Variants in GRAMD1B observed in about 807,000 individuals in gnomAD.
The protein encoded by GRAMD1B is protein Aster-B.
Under a neutral mutation model 99.7 loss-of-function variants are expected in GRAMD1B, and 37 were observed. The observed-to-expected ratio is 0.37, with a 90% CI of 0.29 to 0.49. The LOEUF (loss-of-function observed/expected upper bound fraction) is 0.49, where lower values mean the gene tolerates loss of function less well. GRAMD1B is among the 20% of genes least tolerant of loss of function. The pLI is 0.98. For missense variants in GRAMD1B, 888 were observed against 1,009.2 expected (o/e 0.88, Z 1.63); for synonymous variants, 427 against 387.6 (o/e 1.10, Z -1.19).
intron 1 of GRAMD1B, among the ~76,000 whole-genome samples, chr11:123,382,097 T>C (rs545321124): frequency 1.3e-5 from 2 of 152,212 alleles, no homozygotes; most frequent in East Asian, 3.9e-4. Context: ...ATGATATCAG[T>C]AGAAAAGCTA....
At chr11:123,427,110 G>A (rs1019069540), upstream of GRAMD1B, among the ~76,000 whole-genome samples, 6 of 152,202 alleles carry the variant, frequency 3.9e-5, no homozygotes, top group African/African-American at 1.4e-4. Flanking sequence ...CGGTCGCTGA[G>A]AGCCAAATAT....
In GRAMD1B at chr11:123,469,769, CTCTT is replaced by C. The variant is rs749366230; in HGVS notation, c.375-11040_375-11037del. On this transcript the variant is annotated intron_variant, in intron 1 of 19. Transcript: ENST00000635736. ...TCTTTCTTTCTTTCCTTCTTTCTTT[CTCTT>C]TCTTTCCTTCCTTCCTTCCTTCCTT... 2.9e-3 allele frequency among the ~76,000 whole-genome samples: 263 copies of C among 90,220 alleles called. 5 individuals carry two copies. Among genetic ancestry groups the C allele is most frequent in the African/African-American group, 6.5e-3 (196 of 29,954 alleles). The allele number at this position is 90,220 out of a possible 152,430, so 59.2% of individuals were successfully genotyped here.
intron 2 of GRAMD1B, among the ~76,000 whole-genome samples, chr11:123,548,325 T>TATATATATAC (rs1555067740): frequency 1.2e-4 from 10 of 86,898 alleles, no homozygotes; most frequent in African/African-American, 2.6e-4. Flanking sequence ...TATATATATA[T>TATATATATAC]ACACACACAC....
intron 1 of GRAMD1B, among the ~76,000 whole-genome samples, chr11:123,436,763 T>C (rs1949178568): frequency 6.6e-6 from 1 of 152,194 alleles, no homozygotes; most frequent in Non-Finnish European, 1.5e-5. Flanking sequence ...ACAATTTTTT[T>C]TTATTATACT....
At chr11:123,476,857 A>G (rs1410589395) in intron 1 of GRAMD1B, among the ~76,000 whole-genome samples, 1 of 152,152 alleles carries the variant, frequency 6.6e-6, no homozygotes, top group African/African-American at 2.4e-5. Flanking sequence ...TTAAGACAGA[A>G]TTGTCTTACT....
At chr11:123,417,712 G>T (rs911078253) in intron 1 of GRAMD1B, among the ~76,000 whole-genome samples, 1 of 152,172 alleles carries the variant, frequency 6.6e-6, no homozygotes, top group African/African-American at 2.4e-5. Context: ...CAAGAGGGGC[G>T]GGTCACTTGA....
At chr11:123,501,816 T>C (rs1939894794) in intron 2 of GRAMD1B, among the ~76,000 whole-genome samples, 1 of 152,234 alleles carries the variant, frequency 6.6e-6, no homozygotes, top group Non-Finnish European at 1.5e-5. Context: ...TTACTGATTT[T>C]GAGAAGTGCC....
intron 1 of GRAMD1B, among the ~76,000 whole-genome samples, chr11:123,393,154 A>G (rs1947338721): frequency 6.6e-6 from 1 of 152,186 alleles, no homozygotes; most frequent in Admixed American, 6.5e-5. Flanking sequence ...AGGCCTGGGT[A>G]TTTTACAGAT....
chr11:123,390,348 C>T (rs1052631320), intron 1 of GRAMD1B, among the ~76,000 whole-genome samples: 3 of 152,192 alleles, frequency 2.0e-5, no homozygotes, highest in Non-Finnish European at 4.4e-5. Flanking sequence ...TCCTTCCTCA[C>T]CTCCTGCCTG....
At chr11:123,469,460 G>A (rs1950875783) in intron 1 of GRAMD1B, among the ~76,000 whole-genome samples, 1 of 152,070 alleles carries the variant, frequency 6.6e-6, no homozygotes, top group Admixed American at 6.5e-5. Context: ...ATGGATTCGA[G>A]AGTCACTAAA....
intron 1 of GRAMD1B, among the ~76,000 whole-genome samples, chr11:123,413,973 T>C (rs1948140482): frequency 6.6e-6 from 1 of 152,140 alleles, no homozygotes. Flanking sequence ...ACGTGGCTAT[T>C]ATCTGTACAG....
At chr11:123,562,048 C>T (rs1321698787) in intron 2 of GRAMD1B, among the ~76,000 whole-genome samples, 3 of 152,144 alleles carry the variant, frequency 2.0e-5, no homozygotes, top group Non-Finnish European at 4.4e-5. Context: ...AAGCTGTCAT[C>T]ACCTAGAAGA....
chr11:123,591,229 G>A lies in GRAMD1B; in HGVS notation c.685-2853G>A. The A allele has an allele frequency of 2.5e-6, 1 of 393,108 alleles. No individual in the cohort carries two copies. Among genetic ancestry groups the A allele is most frequent in the Non-Finnish European group, 4.5e-6 (1 of 222,860 alleles). 24.4% of individuals were successfully genotyped at this position (393,108 alleles called of 1,614,324 possible). A position where few individuals can be genotyped will look rare whatever the true frequency, so the allele number is the denominator to read the frequency against. ...TCATGCTGGGCATGCAGCTCTAGGAGCAGAAAGGACACCTGTCAGAGTCAC... is the reference window on the plus strand; with the variant it reads ...TCATGCTGGGCATGCAGCTCTAGGAACAGAAAGGACACCTGTCAGAGTCAC... On this transcript the variant is annotated intron_variant, in intron 4 of 19. Transcript: ENST00000635736. This position sits in a 1 kb window ranked among gnomAD's most constrained non-coding sequence, Gnocchi z 4.7.
chr11:123,456,933 A>AG (rs1565513920), intron 1 of GRAMD1B, among the ~76,000 whole-genome samples: 3 of 149,476 alleles, frequency 2.0e-5, no homozygotes, highest in African/African-American at 4.9e-5. Context: ...AAAAAAAAAA[A>AG]AAAAGAAAAA....
At chr11:123,616,099 G>A (rs928496192) in intron 17 of GRAMD1B, among the ~76,000 whole-genome samples, 2 of 152,142 alleles carry the variant, frequency 1.3e-5, no homozygotes, top group Non-Finnish European at 2.9e-5. Flanking sequence ...TGGGGCAGGC[G>A]GATCATGAGG....
chr11:123,493,035 C>T (rs1398779314), intron 2 of GRAMD1B, among the ~76,000 whole-genome samples: 5 of 152,168 alleles, frequency 3.3e-5, no homozygotes, highest in African/African-American at 1.2e-4. Flanking sequence ...AGCGCTGTGC[C>T]TTGCACACAG....
At chr11:123,594,613 C>T in intron 5 of GRAMD1B, 122 bp from the exon 6 acceptor site, 1 of 655,116 alleles carries the variant, frequency 1.5e-6, no homozygotes, top group East Asian at 2.6e-5. Context: ...TCTGGCACCC[C>T]TTGTCCGTGG....
intron 2 of GRAMD1B, among the ~76,000 whole-genome samples, chr11:123,498,338 A>G (rs1369064063): frequency 1.3e-5 from 2 of 152,190 alleles, no homozygotes; most frequent in East Asian, 1.9e-4. Flanking sequence ...GCTGGGTTCA[A>G]TGCAAAGCCT....
intron 2 of GRAMD1B, among the ~76,000 whole-genome samples, chr11:123,538,788 T>G (rs568231454): frequency 6.6e-6 from 1 of 151,916 alleles, no homozygotes; most frequent in South Asian, 2.1e-4. Context: ...CCTGACTAAT[T>G]GTTTTTTTTA....
Sources: gnomAD v4.1 joint callset for allele counts (sites outside exome capture counted in the v4.1 genomes callset) on GRCh38, gnomAD v4.1.1 for gene constraint, Gnocchi (gnomAD v3.1) non-coding constraint, MANE v1.5 for transcripts, NCBI Gene and HGNC (gene_info 2026-07-23, HGNC 2026-07-21) for gene names.